Variants in XK observed in about 807,000 individuals in gnomAD.
XK encodes X-linked Kx blood group antigen, Kell and VPS13A binding protein.
XK carries 2 observed loss-of-function variants against 14.0 expected under a neutral mutation model. The ratio of observed to expected loss-of-function variants is 0.14; its 90% CI spans 0.06 to 0.45. The LOEUF (loss-of-function observed/expected upper bound fraction) is 0.45, where lower values mean the gene tolerates loss of function less well. XK is among the 20% of genes least tolerant of loss of function. The probability of loss-of-function intolerance (pLI) is 0.98; values close to 1 mark genes in which losing one functional copy is unlikely to be tolerated. For missense variants in XK, 235 were observed against 341.5 expected, an observed-to-expected ratio of 0.69 and a Z score of 2.46; for synonymous variants, 149 against 147.5, an observed-to-expected ratio of 1.01 and a Z score of -0.08.
At chrX:37,699,527 G>T (rs1380952688) in intron 2 of XK, among the ~76,000 whole-genome samples, 1 of 111,638 alleles carries the variant, frequency 9.0e-6, no homozygotes, top group African/African-American at 3.3e-5. Flanking sequence ...ACAGCATGGG[G>T]GGGTGACATT....
chrX:37,729,830 G>A lies in XK; in HGVS notation c.*1368G>A, dbSNP rs1928052436. The A allele has an allele frequency of 9.0e-6, 1 of 111,553 alleles. No individual in the cohort carries two copies. Among genetic ancestry groups the A allele is most frequent in the Non-Finnish European group, 1.9e-5 (1 of 53,030 alleles). The allele number at this position is 111,553 out of a possible 1,213,427, so 9.2% of individuals were successfully genotyped here. A position where few individuals can be genotyped will look rare whatever the true frequency, so the allele number is the denominator to read the frequency against. On this transcript the variant is annotated 3_prime_UTR_variant, in exon 3 of 3. Coordinates refer to ENST00000378616, the MANE Select transcript of XK (RefSeq NM_021083.4). Reference sequence around the variant, plus strand: ...ATATGGAATAGGGATCCACTTCTCTGTTAACCTACAAAACGTATTTATCTG... The same window carrying A: ...ATATGGAATAGGGATCCACTTCTCTATTAACCTACAAAACGTATTTATCTG...
chrX:37,689,617 C>T (rs1556440952), intron 1 of XK, among the ~76,000 whole-genome samples: 1 of 111,743 alleles, frequency 8.9e-6, no homozygotes, highest in Non-Finnish European at 1.9e-5. Flanking sequence ...ACTAACTAGG[C>T]TTTGCTCCTT....
chrX:37,702,307 T>G (rs1927432398), intron 2 of XK, among the ~76,000 whole-genome samples: 1 of 110,835 alleles, frequency 9.0e-6, no homozygotes, highest in Non-Finnish European at 1.9e-5. Flanking sequence ...AAATATGAGG[T>G]TCAGTGGACA....
At chrX:37,694,163 T>A in intron 1 of XK, 123 bp from the exon 2 acceptor site, 1 of 904,953 alleles carries the variant, frequency 1.1e-6, no homozygotes. Flanking sequence ...TTTAGAAGAG[T>A]GACTATAGTT....
At chrX:37,699,619 A>G (rs1448493363) in intron 2 of XK, among the ~76,000 whole-genome samples, 2 of 112,510 alleles carry the variant, frequency 1.8e-5, no homozygotes, top group Non-Finnish European at 3.8e-5. Flanking sequence ...CTCACTGGCA[A>G]TACAAAGCTA....
chrX:37,688,084 G>T (rs1309999740), intron 1 of XK, among the ~76,000 whole-genome samples: 2 of 72,016 alleles, frequency 2.8e-5, no homozygotes, highest in East Asian at 3.7e-4. Flanking sequence ...TTTTTGAGAC[G>T]GAGTCTTGCT....
intron 2 of XK, among the ~76,000 whole-genome samples, chrX:37,698,798 A>T (rs1556443054): frequency 1.8e-5 from 2 of 111,735 alleles, no homozygotes; most frequent in Non-Finnish European, 3.8e-5. Flanking sequence ...ATTTTATTTA[A>T]GGTAAATCCT....
chrX:37,715,878 A>G (rs781933021), intron 2 of XK, among the ~76,000 whole-genome samples: 1 of 111,298 alleles, frequency 9.0e-6, no homozygotes, highest in Non-Finnish European at 1.9e-5. Flanking sequence ...CCCACCTCCA[A>G]ATGGGCCAGG....
chrX:37,700,236 G>A (rs1556443471), intron 2 of XK, among the ~76,000 whole-genome samples: 1 of 111,601 alleles, frequency 9.0e-6, no homozygotes, highest in East Asian at 2.8e-4. Flanking sequence ...CATGCACAAG[G>A]ATAAGCAGCT....
intron 2 of XK, among the ~76,000 whole-genome samples, chrX:37,709,071 C>T (rs1434692630): frequency 8.9e-6 from 1 of 112,209 alleles, no homozygotes; most frequent in Admixed American, 9.5e-5. Context: ...ATATACTTCA[C>T]TGAGCTTTAT....
At chrX:37,694,795 G>A (rs782326142) in intron 2 of XK, among the ~76,000 whole-genome samples, 1 of 111,939 alleles carries the variant, frequency 8.9e-6, no homozygotes, top group Non-Finnish European at 1.9e-5. Context: ...GTGGCTCAAA[G>A]GTAGGGGGCT....
At chrX:37,722,839 C>T (rs1927906743) in intron 2 of XK, among the ~76,000 whole-genome samples, 1 of 111,680 alleles carries the variant, frequency 9.0e-6, no homozygotes, top group African/African-American at 3.2e-5. Flanking sequence ...GAATTGCTTT[C>T]CTAAGAGGAA....
chrX:37,723,934 A>C (rs782367833), intron 2 of XK, among the ~76,000 whole-genome samples: 3 of 111,650 alleles, frequency 2.7e-5, no homozygotes, highest in African/African-American at 9.7e-5. Flanking sequence ...GCTCCATTGA[A>C]TTAGCCTCTC....
intron 2 of XK, among the ~76,000 whole-genome samples, chrX:37,711,648 A>C (rs782749673): frequency 9.0e-6 from 1 of 110,756 alleles, no homozygotes; most frequent in Non-Finnish European, 1.9e-5. Context: ...TTCCCACCCA[A>C]CTCCTTCAAT....
chrX:37,720,803 T>C (rs141289797), intron 2 of XK, among the ~76,000 whole-genome samples: 1,383 of 111,441 alleles, frequency 0.012, 10 homozygotes, highest in Non-Finnish European at 0.02. Context: ...TTGGTTCACC[T>C]AGGATAATGG....
rs1237071836 is a variant in XK, at chrX:37,709,849, T to C, written c.508+15301T>C. On this transcript the variant is annotated intron_variant, in intron 2 of 2. Transcript: ENST00000378616. The stretch of plus-strand genomic sequence containing the variant: ...CATTACACACTCGTACAATCAGAGG[T>C]GAGGATATTACAGACATATAGACAT... Among the ~76,000 whole-genome samples, 9 of 111,309 alleles carry C rather than the reference T, an allele frequency of 8.1e-5. No individual in the cohort carries two copies. The Admixed American group carries it at 8.6e-4, about 11-fold the overall frequency.
intron 2 of XK, among the ~76,000 whole-genome samples, chrX:37,700,916 A>G (rs1927400887): frequency 9.0e-6 from 1 of 110,845 alleles, no homozygotes; most frequent in South Asian, 3.9e-4. Context: ...TGGGGAAAAC[A>G]TAAGGAAAAA....
chrX:37,699,508 G>T (rs1927368499), intron 2 of XK, among the ~76,000 whole-genome samples: 2 of 111,819 alleles, frequency 1.8e-5, no homozygotes, highest in Non-Finnish European at 3.8e-5. Context: ...AAGTAAAACT[G>T]GTTTTATTAC....
chrX:37,706,614 AAATT>A (rs1226768828), intron 2 of XK, among the ~76,000 whole-genome samples: 5 of 109,370 alleles, frequency 4.6e-5, no homozygotes, highest in Non-Finnish European at 9.5e-5. Flanking sequence ...TTTTTTTTTA[AAATT>A]AATTAATTAA....
Sources: allele counts gnomAD v4.1 joint callset (sites outside exome capture counted in the v4.1 genomes callset), GRCh38; gene constraint gnomAD v4.1.1; transcripts MANE v1.5; gene names NCBI Gene and HGNC (gene_info 2026-07-23, HGNC 2026-07-21).